The following CENPI variants were observed in gnomAD, a reference collection of about 807,000 sequenced individuals.
CENPI encodes centromere protein I, also known as FSH primary response 1.
Under a neutral mutation model 60.4 loss-of-function variants are expected in CENPI, and 4 were observed. The observed-to-expected ratio is 0.07, with a 90% CI of 0.03 to 0.15. The LOEUF is 0.15. CENPI is among the 10% of genes least tolerant of loss of function. CENPI has a pLI of 1.00. For synonymous variants in CENPI, 157 were observed against 189.4 expected, an observed-to-expected ratio of 0.83 and a Z score of 1.40; for missense variants, 444 against 534.5, an observed-to-expected ratio of 0.83 and a Z score of 1.67.
At chrX:101,128,859 C>T (rs1470041903) in intron 12 of CENPI, 23 bp downstream of exon 12, 2 of 1,191,158 alleles carry the variant, frequency 1.7e-6, no homozygotes, top group Non-Finnish European at 2.3e-6. Context: ...TGAGGATGGA[C>T]CAAGATAGTT....
rs764131531 is a variant in CENPI at position 101,146,227 on chromosome X, C to A, written c.1776C>A (p.Leu592=). The change falls in exon 18 of 22, where the codon CTC becomes CTA. Residue 592 remains leucine, a synonymous_variant. Transcript: ENST00000682095. ...CTCCTGGGATCTTCTATTCTGCACT[C>A]CTCAGCCTGGATACCAGCATCCTGA... ...LFPPGIFYSA[L]LSLDTSILNQ... The A allele has an allele frequency of 8.3e-7, 1 of 1,208,681 alleles. No homozygotes were observed. The highest frequency in any genetic ancestry group is 1.7e-5 in the African/African-American group (1 of 57,766).
rs976908660 is a variant in CENPI, at chrX:101,145,176, T to C, written c.1678T>C (p.Phe560Leu). Residue 560 changes from phenylalanine to leucine, a missense_variant, in exon 17 of 22, where the codon TTT becomes CTT. Coordinates refer to ENST00000682095, the MANE Select transcript of CENPI (RefSeq NM_001386188.2). Reference sequence around the variant, plus strand: ...GAGCAACAATACTTTCTTGCTGCACTTTATTTTGGATTTCTATGAGAAGGT... The same window carrying C: ...GAGCAACAATACTTTCTTGCTGCACCTTATTTTGGATTTCTATGAGAAGGT... ...LESNNTFLLH[F>L]ILDFYEKVCD... is the part of the protein sequence containing the mutation. 1 of 1,208,846 alleles carries C rather than the reference T, an allele frequency of 8.3e-7. No homozygotes were observed. Among genetic ancestry groups the C allele is most frequent in the Non-Finnish European group, 1.1e-6 (1 of 893,338 alleles).
At chrX:101,116,326 A>G (rs1219215761) in intron 6 of CENPI, among the ~76,000 whole-genome samples, 1 of 109,511 alleles carries the variant, frequency 9.1e-6, no homozygotes, top group Non-Finnish European at 1.9e-5. Flanking sequence ...CTCATCAGCT[A>G]TCGTTAGTGT....
intron 20 of CENPI, among the ~76,000 whole-genome samples, chrX:101,149,846 A>G (rs2089992771): frequency 1.8e-5 from 2 of 110,139 alleles, no homozygotes; most frequent in Admixed American, 2.0e-4. Context: ...GGCTGCTCCC[A>G]TGCTGAGACT....
chrX:101,135,107 G>C (rs755026046), intron 15 of CENPI, among the ~76,000 whole-genome samples: 1 of 111,570 alleles, frequency 9.0e-6, no homozygotes, highest in Admixed American at 9.7e-5. Flanking sequence ...AGTTGAGTCT[G>C]TGAAAAAGCT....
At chrX:101,176,730 C>A in the CENPI span, among the ~76,000 whole-genome samples, 1 of 112,879 alleles carries the variant, frequency 8.9e-6, no homozygotes, top group African/African-American at 3.2e-5. Flanking sequence ...GATGCCTCTA[C>A]TCTGTTGGTT....
At position 101,148,060 on chromosome X, in the gene CENPI, C is replaced by A; in HGVS notation, c.1993C>A (p.Pro665Thr). Residue 665 changes from proline to threonine, a missense_variant, in exon 20 of 22, where the codon CCT (proline) becomes ACT (threonine). Coordinates refer to ENST00000682095, the MANE Select transcript of CENPI (RefSeq NM_001386188.2). ...CTTTGGGAAAGGAATATATATTGAC[C>A]CTGAAATCCTAGAAAAAACTGGAGT... ...KPFGKGIYIDPEILEKTGVAE... is the reference protein window; with the variant it reads ...KPFGKGIYIDTEILEKTGVAE... 3 of 1,175,294 alleles carry A rather than the reference C, an allele frequency of 2.6e-6. No homozygotes were observed. Among genetic ancestry groups the A allele is most frequent in the Non-Finnish European group, 3.4e-6 (3 of 881,334 alleles).
intron 20 of CENPI, among the ~76,000 whole-genome samples, chrX:101,158,392 T>C (rs777003218): frequency 9.4e-6 from 1 of 106,380 alleles, no homozygotes; most frequent in Non-Finnish European, 1.9e-5. Context: ...ATTCTCCTGT[T>C]TCAGCCTCCC....
chrX:101,129,948 A>C (rs765477062), intron 12 of CENPI, 34 bp from the exon 13 acceptor site: 21 of 961,394 alleles, frequency 2.2e-5, no homozygotes, highest in Non-Finnish European at 3.1e-5. Flanking sequence ...ATTGTGGTAC[A>C]ACTAGATGCT....
chrX:101,176,688 G>A, the CENPI span, among the ~76,000 whole-genome samples: 2 of 112,519 alleles, frequency 1.8e-5, no homozygotes, highest in South Asian at 7.3e-4. Context: ...CTTGTAGGAT[G>A]AATCATTTGC....
In CENPI at chrX:101,145,153, G is replaced by A; in HGVS notation, c.1655G>A (p.Ser552Asn). The A allele has an allele frequency of 8.3e-7, 1 of 1,207,369 alleles. No homozygotes were observed. The highest frequency in any genetic ancestry group is 3.0e-5 in the East Asian group (1 of 33,805). ...WLSTTAMRLE[S>N]NNTFLLHFIL... ...TCCACTACTGCAATGCGCTTGGAGA[G>A]CAACAATACTTTCTTGCTGCACTTT... The change falls in exon 17 of 22, where the codon AGC (serine) becomes AAC (asparagine). Residue 552 changes from serine (S) to asparagine (N), a missense_variant. Ser to Asn is a conservative substitution (Grantham distance 46, BLOSUM62 1). Coordinates refer to ENST00000682095, the MANE Select transcript of CENPI (RefSeq NM_001386188.2).
chrX:101,130,634 G>A (rs1427989217), intron 13 of CENPI, among the ~76,000 whole-genome samples: 2 of 112,487 alleles, frequency 1.8e-5, no homozygotes, highest in Non-Finnish European at 1.9e-5. Flanking sequence ...GTAATTAAAT[G>A]TATTCAGTTA....
At chrX:101,161,691 T>C in intron 21 of CENPI, 122 bp downstream of exon 21, 1 of 596,403 alleles carries the variant, frequency 1.7e-6, no homozygotes, top group Non-Finnish European at 2.7e-6. Flanking sequence ...CAAAATGAAG[T>C]GTTTGCCTTC....
intron 8 of CENPI, among the ~76,000 whole-genome samples, chrX:101,125,264 C>G (rs2089722678): frequency 9.0e-6 from 1 of 111,662 alleles, no homozygotes. Context: ...TTCATTTTAT[C>G]TATTCTGCTA....
chrX:101,132,937 A>G (rs1339630180), intron 15 of CENPI, among the ~76,000 whole-genome samples: 2 of 111,003 alleles, frequency 1.8e-5, no homozygotes, highest in Admixed American at 9.7e-5. Flanking sequence ...CCAACCTTAT[A>G]TATAATATGT....
chrX:101,120,812 C>T, intron 8 of CENPI, 28 bp downstream of exon 8: 1 of 1,139,297 alleles, frequency 8.8e-7, no homozygotes, highest in Non-Finnish European at 1.2e-6. Flanking sequence ...CTAAGACCTG[C>T]CAATGTACTA....
chrX:101,181,172 C>T, the CENPI span, among the ~76,000 whole-genome samples: 2 of 109,524 alleles, frequency 1.8e-5, no homozygotes, highest in Admixed American at 2.0e-4. Flanking sequence ...CTATATGTCT[C>T]TTCTTAGATC....
At chrX:101,172,332 C>T in the CENPI span, among the ~76,000 whole-genome samples, 1 of 111,619 alleles carries the variant, frequency 9.0e-6, no homozygotes, top group Non-Finnish European at 1.9e-5. Flanking sequence ...AATATGTCTT[C>T]ACAAAAGTTT....
intron 6 of CENPI, among the ~76,000 whole-genome samples, chrX:101,110,292 G>A (rs960087955): frequency 9.0e-6 from 1 of 111,713 alleles, no homozygotes; most frequent in Non-Finnish European, 1.9e-5. Flanking sequence ...TTGATTCCAC[G>A]TTGGAGTCTT....
Sources: allele counts gnomAD v4.1 joint callset (sites outside exome capture counted in the v4.1 genomes callset), GRCh38; gene constraint gnomAD v4.1.1; transcripts MANE v1.5; gene names NCBI Gene and HGNC (gene_info 2026-07-23, HGNC 2026-07-21).